PLA2G4D: variants seen among roughly 807,000 people sequenced by gnomAD.
PLA2G4D encodes phospholipase A2 group IVD.
PLA2G4D carries 80 observed loss-of-function variants against 94.4 expected under a neutral mutation model. That is an observed-to-expected ratio of 0.85 (90% CI 0.71 to 1.02). The LOEUF (loss-of-function observed/expected upper bound fraction) is 1.02. Among genes scored for constraint, PLA2G4D ranks in the 50% least tolerant of loss-of-function variants. PLA2G4D has a pLI of 0.00. For missense variants in PLA2G4D, 1,050 were observed against 1,034.7 expected, an observed-to-expected ratio of 1.01 and a Z score of -0.20; for synonymous variants, 438 against 440.9, an observed-to-expected ratio of 0.99 and a Z score of 0.08.
intron 2 of PLA2G4D, 21 bp downstream of exon 2, chr15:42,087,607 G>T (rs1198952591): frequency 6.2e-7 from 1 of 1,613,922 alleles, no homozygotes; most frequent in Admixed American, 1.7e-5. Flanking sequence ...TCCCGACAGA[G>T]CGCACAGGGC....
intron 3 of PLA2G4D, among the ~76,000 whole-genome samples, chr15:42,086,606 T>A (rs1166838283): frequency 6.6e-6 from 1 of 152,180 alleles, no homozygotes; most frequent in Non-Finnish European, 1.5e-5. Context: ...TATCCAGCAC[T>A]TTGGGAGGCT....
At chr15:42,081,454 C>T (rs1268833150) in intron 11 of PLA2G4D, 25 bp downstream of exon 11, 1 of 1,608,500 alleles carries the variant, frequency 6.2e-7, no homozygotes, top group East Asian at 2.2e-5. Context: ...GATATCTGCA[C>T]ACACATCCCT....
At chr15:42,085,918 C>T (rs2054890847) in intron 4 of PLA2G4D, among the ~76,000 whole-genome samples, 1 of 152,232 alleles carries the variant, frequency 6.6e-6, no homozygotes, top group African/African-American at 2.4e-5. Flanking sequence ...GACGTGAGGC[C>T]TTCACAAAGC....
chr15:42,067,056 A>G lies in PLA2G4D; in HGVS notation c.*1659T>C, dbSNP rs1889700170. ...AAAAATAAGAGTCCATGATAAAGGG[A>G]AAAAGTGAAGAATCAAAATAAAGCC... is the stretch of plus-strand genomic sequence containing the variant. On this transcript the variant is annotated 3_prime_UTR_variant, in exon 20 of 20. Coordinates refer to ENST00000290472, the MANE Select transcript of PLA2G4D (RefSeq NM_178034.4). 1 of 152,258 alleles carries G rather than the reference A, an allele frequency of 6.6e-6. No homozygotes were observed. The highest frequency in any genetic ancestry group is 6.5e-5 in the Admixed American group (1 of 15,288). The allele number at this position is 152,258 out of a possible 1,614,324, so 9.4% of individuals were successfully genotyped here.
intron 5 of PLA2G4D, 151 bp from the exon 6 acceptor site, chr15:42,085,289 AG>A: frequency 9.5e-7 from 1 of 1,053,090 alleles, no homozygotes; most frequent in Non-Finnish European, 1.5e-6. Flanking sequence ...AGGAGAGGGG[AG>A]GGGAGAGAGC....
At chr15:42,093,650 C>T (rs1369753195) in intron 1 of PLA2G4D, among the ~76,000 whole-genome samples, 2 of 152,206 alleles carry the variant, frequency 1.3e-5, no homozygotes, top group Non-Finnish European at 2.9e-5. Flanking sequence ...TGCCCTGCCC[C>T]AGGCTGAGCC....
rs571572454 is a variant in PLA2G4D, at chr15:42,068,532, C to G, written c.*183G>C. On this transcript the variant is annotated 3_prime_UTR_variant, in exon 20 of 20. Transcript: ENST00000290472. Reference sequence around the variant, plus strand: ...GAAGTTATTTTCAACTCATCTCAAGCCAGCCATGAACGTAAGAGAGAAGTC... The same window carrying G: ...GAAGTTATTTTCAACTCATCTCAAGGCAGCCATGAACGTAAGAGAGAAGTC... 13 of 618,554 alleles carry G rather than the reference C, an allele frequency of 2.1e-5. No individual in the cohort carries two copies. Among genetic ancestry groups the G allele is most frequent in the Non-Finnish European group, 3.4e-5 (12 of 355,208 alleles). The allele number at this position is 618,554 out of a possible 1,614,324, so 38.3% of individuals were successfully genotyped here.
chr15:42,081,490 G>T lies in PLA2G4D; in HGVS notation c.946C>A (p.Gln316Lys), dbSNP rs747387743. Residue 316 changes from glutamine (Q) to lysine (K), a missense_variant, in exon 11 of 20, where the codon CAG (glutamine) becomes AAG (lysine). Coordinates refer to ENST00000290472, the MANE Select transcript of PLA2G4D (RefSeq NM_178034.4). ...CTGCACCCCCAGACCTCATCCTCCT[G>T]CAGGTCTCTGTCCAGCTGCAGGGCC... is the stretch of plus-strand genomic sequence containing the variant. ...KQALQLDRDL[Q>K]EDEVPVVGIM... 3.1e-6 allele frequency: 5 copies of T among 1,613,730 alleles called. No homozygotes were observed. The Admixed American group carries it at 8.3e-5, about 27-fold the overall frequency.
Position 42,067,803 on chromosome 15 carries a change from C to A in PLA2G4D, c.*912G>T, listed in dbSNP as rs896143284. ...TCAATAAACTAGAAATAAAAGAGAA[C>A]TTTCTCAACCTGATAAGGATGTCCA... On this transcript the variant is annotated 3_prime_UTR_variant, in exon 20 of 20. Transcript: ENST00000290472. 1 of 152,152 alleles carries A rather than the reference C, an allele frequency of 6.6e-6. No homozygotes were observed. The highest frequency in any genetic ancestry group is 2.4e-5 in the African/African-American group (1 of 41,422). The allele number at this position is 152,152 out of a possible 1,614,324, so 9.4% of individuals were successfully genotyped here. A position where few individuals can be genotyped will look rare whatever the true frequency, so the allele number is the denominator to read the frequency against.
chr15:42,082,392 G>T lies in PLA2G4D; in HGVS notation c.673-3C>A. On this transcript the variant is annotated splice_region_variant and splice_polypyrimidine_tract_variant and intron_variant, in intron 8 of 19. Coordinates refer to ENST00000290472, the MANE Select transcript of PLA2G4D (RefSeq NM_178034.4). ...TTCCAGCCATTGCTTCTGGAGCTCTGAAGGGAAAGCATCATTCATTCATTC... is the reference window on the plus strand; with the variant it reads ...TTCCAGCCATTGCTTCTGGAGCTCTTAAGGGAAAGCATCATTCATTCATTC... 1 of 1,611,314 alleles carries T rather than the reference G, an allele frequency of 6.2e-7. No individual in the cohort carries two copies. The highest frequency in any genetic ancestry group is 8.5e-7 in the Non-Finnish European group (1 of 1,177,632).
chr15:42,089,726 G>A (rs1314801558), intron 1 of PLA2G4D, among the ~76,000 whole-genome samples: 2 of 152,172 alleles, frequency 1.3e-5, no homozygotes, highest in African/African-American at 4.8e-5. Context: ...GACAAGACAG[G>A]TGAAGGGCAG....
intron 6 of PLA2G4D, 155 bp from the exon 7 acceptor site, chr15:42,083,934 T>C (rs765339931): frequency 5.9e-6 from 4 of 683,612 alleles, no homozygotes; most frequent in African/African-American, 1.8e-5. Flanking sequence ...CTTCATCCCA[T>C]TGCCGATCCT....
In PLA2G4D at chr15:42,071,250, C is replaced by T. The variant is rs760967904; in HGVS notation, c.1749G>A (p.Thr583=). The T allele has an allele frequency of 1.2e-5, 20 of 1,609,570 alleles. No individual in the cohort carries two copies. The highest frequency in any genetic ancestry group is 3.4e-5 in the Admixed American group (2 of 58,546). The change falls in exon 17 of 20, where the codon ACG becomes ACA. Residue 583 remains threonine (T), a synonymous_variant. Coordinates refer to ENST00000290472, the MANE Select transcript of PLA2G4D (RefSeq NM_178034.4). ...AGCCTTTAAATGCCTGGGCCAGCGC[C>T]GTGCCTGGCTGCAGCCACGAGGCCT... ...RLEASWLQPG[T]ALAQAFKGFL... is the part of the protein sequence containing the mutation.
intron 13 of PLA2G4D, among the ~76,000 whole-genome samples, chr15:42,073,997 C>T (rs1410428812): frequency 6.6e-6 from 1 of 152,160 alleles, no homozygotes; most frequent in East Asian, 1.9e-4. Context: ...GGCTCGATCC[C>T]CTGCCACTGA....
At chr15:42,080,183 A>G (rs1890010786) in intron 12 of PLA2G4D, among the ~76,000 whole-genome samples, 1 of 152,182 alleles carries the variant, frequency 6.6e-6, no homozygotes, top group Non-Finnish European at 1.5e-5. Flanking sequence ...TCAATAAACA[A>G]TGTGGCTAGT....
At position 42,083,134 on chromosome 15, in the gene PLA2G4D, G is replaced by C; in HGVS notation, c.672+64C>G. ...CTGGTGGGCAGGGAAGGCAGGGAGG[G>C]GCCCGCTGCAGCTGGAGCTGCCCAA... On this transcript the variant is annotated intron_variant, in intron 8 of 19. Transcript: ENST00000290472. 3 of 1,562,124 alleles carry C rather than the reference G, an allele frequency of 1.9e-6. No homozygotes were observed. In the South Asian group the frequency reaches 3.6e-5, roughly 19 times the overall value.
chr15:42,071,845 A>G lies in PLA2G4D; in HGVS notation c.1502T>C (p.Leu501Pro), dbSNP rs753220405. 4.3e-6 allele frequency: 7 copies of G among 1,614,176 alleles called. No homozygotes were observed. The highest frequency in any genetic ancestry group is 5.1e-6 in the Non-Finnish European group (6 of 1,180,012). ...LKYGAFVPPE[L>P]FGSEFFMGRL... ...TCCCATGAAGAACTCGGAGCCGAAG[A>G]GCTCAGGAGGGACGAAGGCCCCGTA... Residue 501 changes from leucine (L) to proline (P), a missense_variant, in exon 15 of 20, where the codon CTC (leucine) becomes CCC (proline). Coordinates refer to ENST00000290472, the MANE Select transcript of PLA2G4D (RefSeq NM_178034.4).
intron 4 of PLA2G4D, among the ~76,000 whole-genome samples, chr15:42,085,878 C>T (rs137937699): frequency 1.8e-4 from 28 of 152,280 alleles, no homozygotes; most frequent in Admixed American, 1.8e-3. Context: ...CGAACTCTGC[C>T]GTCCCCACCC....
chr15:42,081,701 G>A (rs1890042459), intron 10 of PLA2G4D, 87 bp from the exon 11 acceptor site: 1 of 1,611,030 alleles, frequency 6.2e-7, no homozygotes, highest in African/African-American at 1.3e-5. Context: ...TGCCAAAGAA[G>A]CCCTCTCCTC....
Sources: gnomAD v4.1 joint callset for allele counts (sites outside exome capture counted in the v4.1 genomes callset) on GRCh38, gnomAD v4.1.1 for gene constraint, MANE v1.5 for transcripts, NCBI Gene and HGNC (gene_info 2026-07-23, HGNC 2026-07-21) for gene names.